NWD1: variants seen among roughly 807,000 people sequenced by gnomAD.
NWD1 encodes the protein NACHT domain- and WD repeat-containing protein 1.
NWD1 carries 129 observed loss-of-function variants against 135.1 expected under a neutral mutation model. The ratio of observed to expected loss-of-function variants is 0.96; its 90% CI spans 0.83 to 1.11. The LOEUF (loss-of-function observed/expected upper bound fraction) is 1.11, where lower values mean the gene tolerates loss of function less well. Among genes scored for constraint, NWD1 ranks in the 50% least tolerant of loss-of-function variants. The pLI is 0.00. For missense variants in NWD1, 1,740 were observed against 1,851.3 expected (o/e 0.94, Z 1.10); for synonymous variants, 773 against 786.0 (o/e 0.98, Z 0.28).
chr19:16,763,934 AG>A lies in NWD1; in HGVS notation c.2242del (p.Glu748ArgfsTer6). On this transcript the variant is annotated frameshift_variant, in exon 9 of 19. Coordinates refer to ENST00000524140, the MANE Select transcript of NWD1 (RefSeq NM_001007525.5). LOFTEE classifies it high-confidence loss of function. ...LHSGRLEELK[Q>X]EVLGSMSWIS... Reference sequence around the variant, plus strand: ...TCGGGCCGCCTGGAGGAGCTGAAACAGGAGGTTCTGGGTAAGGGCTGCCCCC... The same window carrying A: ...TCGGGCCGCCTGGAGGAGCTGAAACAGAGGTTCTGGGTAAGGGCTGCCCCC... 1 of 1,608,428 alleles carries A rather than the reference AG, an allele frequency of 6.2e-7. No homozygotes were observed. The highest frequency in any genetic ancestry group is 8.5e-7 in the Non-Finnish European group (1 of 1,174,956).
At chr19:16,783,582 C>T (rs1031100731) in intron 12 of NWD1, among the ~76,000 whole-genome samples, 4 of 150,840 alleles carry the variant, frequency 2.7e-5, no homozygotes, top group South Asian at 2.1e-4. Context: ...TGCAGTGAGC[C>T]GAGATCGCGC....
In NWD1 at chr19:16,744,444, C is replaced by T; in HGVS notation, c.222C>T (p.Gly74=). Reference sequence around the variant, plus strand: ...AGGCCCTCATCGGTGATCAGTACGGCCCCTGTCTGATTCCCTCGCGGATCG... The same window carrying T: ...AGGCCCTCATCGGTGATCAGTACGGTCCCTGTCTGATTCCCTCGCGGATCG... The part of the protein sequence containing the change: ...AFVALIGDQY[G]PCLIPSRIDE... Residue 74 remains glycine (G), a synonymous_variant, in exon 5 of 19, where the codon GGC becomes GGT. Coordinates refer to ENST00000524140, the MANE Select transcript of NWD1 (RefSeq NM_001007525.5). 6.5e-7 allele frequency: 1 copy of T among 1,535,740 alleles called. No individual in the cohort carries two copies. The highest frequency in any genetic ancestry group is 8.7e-7 in the Non-Finnish European group (1 of 1,146,608).
intron 12 of NWD1, among the ~76,000 whole-genome samples, chr19:16,781,744 T>G (rs999096448): frequency 6.6e-6 from 1 of 152,110 alleles, no homozygotes; most frequent in South Asian, 2.1e-4. Flanking sequence ...AAATATCCCA[T>G]GTGTTTAAAA....
chr19:16,740,984 C>T (rs1968055639), intron 4 of NWD1, among the ~76,000 whole-genome samples: 2 of 152,086 alleles, frequency 1.3e-5, no homozygotes, highest in South Asian at 4.1e-4. Context: ...CATGGCGAAA[C>T]CCTGTCTCTA....
intron 18 of NWD1, among the ~76,000 whole-genome samples, chr19:16,813,209 GAA>G (rs1246690898): frequency 3.3e-5 from 5 of 152,114 alleles, no homozygotes; most frequent in African/African-American, 9.7e-5. Context: ...ATGGAGCTGA[GAA>G]GAGTGAGAAG....
chr19:16,795,579 G>A (rs536037112), intron 15 of NWD1, among the ~76,000 whole-genome samples: 20 of 152,008 alleles, frequency 1.3e-4, no homozygotes, highest in African/African-American at 2.7e-4. Flanking sequence ...ACCACGTCCC[G>A]CTAATTTTTG....
At chr19:16,799,830 G>A (rs1970540483) in intron 16 of NWD1, 56 bp from the exon 17 acceptor site, 2 of 1,507,408 alleles carry the variant, frequency 1.3e-6, no homozygotes, top group East Asian at 2.3e-5. Flanking sequence ...GCGTATTTCT[G>A]AACTATAGTT....
intron 4 of NWD1, among the ~76,000 whole-genome samples, chr19:16,739,329 C>CAAAAA (rs67106916): frequency 1.3e-5 from 1 of 78,964 alleles, no homozygotes; most frequent in Non-Finnish European, 2.4e-5. Context: ...CTATCTCTAC[C>CAAAAA]AAAAAAAAAA....
chr19:16,732,015 G>A (rs772946250), intron 3 of NWD1, among the ~76,000 whole-genome samples: 6 of 151,726 alleles, frequency 4.0e-5, no homozygotes, highest in African/African-American at 4.8e-5. Flanking sequence ...TCAGAAACTC[G>A]AGACTAGCCT....
intron 11 of NWD1, among the ~76,000 whole-genome samples, chr19:16,775,004 C>T (rs550330150): frequency 1.8e-4 from 27 of 152,248 alleles, no homozygotes; most frequent in African/African-American, 4.8e-4. Context: ...TCATTTACCT[C>T]CATTCACCCA....
intron 7 of NWD1, among the ~76,000 whole-genome samples, chr19:16,760,229 CATTTTATTTTATTTTATTTTATTTT>C (rs59527287): frequency 6.3e-5 from 9 of 143,916 alleles, no homozygotes; most frequent in Middle Eastern, 3.4e-3. Flanking sequence ...TAAAATTCAC[CATTTTATTTTATTTTATTTTATTTT>C]ATTTTATTTT....
Position 16,789,208 on chromosome 19 carries a change from T to C in NWD1, c.2940+18T>C, listed in dbSNP as rs1970161139. 4 of 1,595,836 alleles carry C rather than the reference T, an allele frequency of 2.5e-6. No individual in the cohort carries two copies. The highest frequency in any genetic ancestry group is 3.4e-6 in the Non-Finnish European group (4 of 1,163,952). On this transcript the variant is annotated intron_variant, in intron 13 of 18. Coordinates refer to ENST00000524140, the MANE Select transcript of NWD1 (RefSeq NM_001007525.5). The stretch of plus-strand genomic sequence containing the variant: ...GCTCAAAGGTAACAAACATATGCCC[T>C]GTTTGTAAAGGAAAGCTGAGACCAG...
chr19:16,761,897 G>A, intron 7 of NWD1, 82 bp from the exon 8 acceptor site: 1 of 1,206,298 alleles, frequency 8.3e-7, no homozygotes, highest in South Asian at 1.4e-5. Context: ...TGGGATTTGG[G>A]AACTGCCTCC....
At chr19:16,777,639 A>G (rs916214707) in intron 11 of NWD1, among the ~76,000 whole-genome samples, 9 of 5,622 alleles carry the variant, frequency 1.6e-3, no homozygotes, top group Admixed American at 2.3e-3. Flanking sequence ...GGGAAGGGGG[A>G]GGGAAGGGGA....
intron 5 of NWD1, among the ~76,000 whole-genome samples, chr19:16,746,610 T>A (rs1462272997): frequency 1.3e-5 from 2 of 151,746 alleles, no homozygotes; most frequent in African/African-American, 2.4e-5. Flanking sequence ...GAGGCAGCGG[T>A]TGTAGTGAGC....
chr19:16,731,271 T>C lies in NWD1; in HGVS notation c.74T>C (p.Met25Thr). Residue 25 changes from methionine to threonine, a missense_variant, in exon 3 of 19, where the codon ATG (methionine) becomes ACG (threonine). Met to Thr is a moderately conservative substitution (Grantham distance 81). Transcript: ENST00000524140. ...ACCTTCTGCCAGAGGCACGGCTTGA[T>C]GTTTGAGGTAACTGGAAGTCACTCC... is the stretch of plus-strand genomic sequence containing the variant. ...CQTFCQRHGL[M>T]FEVVDLRWGI... 1 of 1,526,750 alleles carries C rather than the reference T, an allele frequency of 6.5e-7. No homozygotes were observed. Among genetic ancestry groups the C allele is most frequent in the Non-Finnish European group, 8.8e-7 (1 of 1,138,412 alleles). The allele number at this position is 1,526,750 out of a possible 1,614,324, so 94.6% of individuals were successfully genotyped here.
At chr19:16,725,802 C>T (rs933325445) in intron 2 of NWD1, among the ~76,000 whole-genome samples, 1 of 152,052 alleles carries the variant, frequency 6.6e-6, no homozygotes, top group African/African-American at 2.4e-5. Flanking sequence ...ATCCATCTAC[C>T]TTGGCCTCCC....
chr19:16,783,949 C>T (rs973695331), intron 12 of NWD1, among the ~76,000 whole-genome samples: 3 of 151,954 alleles, frequency 2.0e-5, no homozygotes, highest in Admixed American at 1.3e-4. Context: ...CAGTGGATCA[C>T]GTCTGTAATC....
intron 6 of NWD1, 87 bp from the exon 7 acceptor site, chr19:16,759,138 C>A: frequency 8.9e-7 from 1 of 1,122,026 alleles, no homozygotes; most frequent in Non-Finnish European, 1.3e-6. Flanking sequence ...GCGCGGGTGG[C>A]TGTATCCCTC....
Sources: allele counts gnomAD v4.1 joint callset (sites outside exome capture counted in the v4.1 genomes callset), GRCh38; gene constraint gnomAD v4.1.1; transcripts MANE v1.5; gene names NCBI Gene and HGNC (gene_info 2026-07-23, HGNC 2026-07-21).